R3HCC1: variants seen among roughly 807,000 people sequenced by gnomAD.
R3HCC1 encodes the protein R3H and coiled-coil domain-containing protein 1.
R3HCC1 carries 32 observed loss-of-function variants against 40.0 expected under a neutral mutation model. That is an observed-to-expected ratio of 0.80 (90% CI 0.60 to 1.07). The LOEUF is 1.07. Ranked by LOEUF, R3HCC1 falls within the 50% of genes least tolerant of loss-of-function variation. The pLI is 0.00. For synonymous variants in R3HCC1, 237 were observed against 232.8 expected (o/e 1.02, Z -0.17); for missense variants, 586 against 563.3 (o/e 1.04, Z -0.41).
rs549974723 is a variant in R3HCC1 at position 23,288,174 on chromosome 8, TG to T, written c.-19+24del. On this transcript the variant is annotated intron_variant, in intron 1 of 7. Transcript: ENST00000265806. Reference sequence around the variant, plus strand: ...GAGGCCGCGGTGAGTGCAGCAGCACTGGGGGGGTGGTCGTCCCGACCCCCGG... The same window carrying T: ...GAGGCCGCGGTGAGTGCAGCAGCACTGGGGGGTGGTCGTCCCGACCCCCGG... 21 of 1,211,140 alleles carry T rather than the reference TG, an allele frequency of 1.7e-5. No individual in the cohort carries two copies. Among genetic ancestry groups the T allele is most frequent in the East Asian group, 5.8e-5 (1 of 17,332 alleles). 75.0% of individuals were successfully genotyped at this position (1,211,140 alleles called of 1,614,324 possible).
chr8:23,296,208 A>G lies in R3HCC1; in HGVS notation c.*111A>G, dbSNP rs909514952. 7 of 1,293,010 alleles carry G rather than the reference A, an allele frequency of 5.4e-6. No individual in the cohort carries two copies. The highest frequency in any genetic ancestry group is 4.5e-5 in the African/African-American group (3 of 66,482). The allele number at this position is 1,293,010 out of a possible 1,614,324, so 80.1% of individuals were successfully genotyped here. A position where few individuals can be genotyped will look rare whatever the true frequency, so the allele number is the denominator to read the frequency against. On this transcript the variant is annotated 3_prime_UTR_variant, in exon 8 of 8. Coordinates refer to ENST00000265806, the MANE Select transcript of R3HCC1 (RefSeq NM_001136108.3). ...CCCCGCACCACCCTCGAGCTTCACCATGGGGTGTGGTGGGCTTTAGTTTAG... is the reference window on the plus strand; with the variant it reads ...CCCCGCACCACCCTCGAGCTTCACCGTGGGGTGTGGTGGGCTTTAGTTTAG...
rs1028754493 is a variant in R3HCC1, at chr8:23,290,204, A to G, written c.587A>G (p.Lys196Arg). 6.4e-7 allele frequency: 1 copy of G among 1,551,738 alleles called. No homozygotes were observed. The highest frequency in any genetic ancestry group is 8.7e-7 in the Non-Finnish European group (1 of 1,146,996). ...ATGACTCAGGGAACAGAGGACCTAA[A>G]GGGCCCAGGACAAAGGTGTGAGAAT... Residue 196 changes from lysine to arginine, a missense_variant, in exon 4 of 8, where the codon AAG becomes AGG. Transcript: ENST00000265806.
At position 23,289,918 on chromosome 8, in the gene R3HCC1, C is replaced by A; in HGVS notation, c.301C>A (p.Pro101Thr). Residue 101 changes from proline (P) to threonine (T), a missense_variant, in exon 4 of 8, where the codon CCC (proline) becomes ACC (threonine). Pro to Thr is a conservative substitution (Grantham distance 38, BLOSUM62 -1). Transcript: ENST00000265806. The stretch of plus-strand genomic sequence containing the variant: ...CCCCTGCCGCGCTCCTGCCTCCTGC[C>A]CCAGCAGGTACCACGGTCCTCGGCC... 1 of 1,535,342 alleles carries A rather than the reference C, an allele frequency of 6.5e-7. No individual in the cohort carries two copies. Among genetic ancestry groups the A allele is most frequent in the Non-Finnish European group, 8.7e-7 (1 of 1,146,380 alleles).
rs1181747612 is a variant in R3HCC1 at position 23,288,390 on chromosome 8, G to A, written c.-18-116G>A. 8 of 1,397,612 alleles carry A rather than the reference G, an allele frequency of 5.7e-6. No individual in the cohort carries two copies. The African/African-American group carries it at 1.0e-4, about 18-fold the overall frequency. The allele number at this position is 1,397,612 out of a possible 1,614,324, so 86.6% of individuals were successfully genotyped here. A position where few individuals can be genotyped will look rare whatever the true frequency, so the allele number is the denominator to read the frequency against. On this transcript the variant is annotated intron_variant, in intron 1 of 7. Coordinates refer to ENST00000265806, the MANE Select transcript of R3HCC1 (RefSeq NM_001136108.3). The stretch of plus-strand genomic sequence containing the variant: ...CGGGGGTCCCTGGCATCACTTCCCC[G>A]CCACCGAGCCTTGGACCAGAGGGTT...
rs143261064 is a variant in R3HCC1 at position 23,290,925 on chromosome 8, A to G, written c.853-436A>G. The G allele has an allele frequency of 6.1e-3, 1,298 of 211,292 alleles. 6 individuals are homozygous for G. The highest frequency in any genetic ancestry group is 0.013 in the Admixed American group (247 of 19,302). The allele number at this position is 211,292 out of a possible 1,614,324, so 13.1% of individuals were successfully genotyped here. On this transcript the variant is annotated intron_variant, in intron 4 of 7. Transcript: ENST00000265806. ...TTCAGTTGGGAGGGTGGCATCTTTTATGGCTATTTTATACATGAAGAATGC... is the reference window on the plus strand; with the variant it reads ...TTCAGTTGGGAGGGTGGCATCTTTTGTGGCTATTTTATACATGAAGAATGC...
intron 2 of R3HCC1, among the ~76,000 whole-genome samples, 182 bp downstream of exon 2, chr8:23,288,815 A>C (rs1361776300): frequency 1.3e-5 from 2 of 151,954 alleles, no homozygotes; most frequent in Non-Finnish European, 2.9e-5. Context: ...CCCCAGACTG[A>C]TGGGGCCCGG....
In R3HCC1 at chr8:23,289,871, C is replaced by T. The variant is rs1425735737; in HGVS notation, c.254C>T (p.Pro85Leu). Reference sequence around the variant, plus strand: ...TCCTCCCATTCCTGCTCCAGGGTACCCAGTTCGGATGGCCTCTCTGGCCCC... The same window carrying T: ...TCCTCCCATTCCTGCTCCAGGGTACTCAGTTCGGATGGCCTCTCTGGCCCC... Residue 85 changes from proline (P) to leucine (L), a missense_variant, in exon 4 of 8, where the codon CCC becomes CTC. Physicochemically the swap from Pro to Leu is moderately conservative, Grantham distance 98. Coordinates refer to ENST00000265806, the MANE Select transcript of R3HCC1 (RefSeq NM_001136108.3). 6.6e-7 allele frequency: 1 copy of T among 1,512,390 alleles called. No homozygotes were observed. The highest frequency in any genetic ancestry group is 2.5e-5 in the East Asian group (1 of 40,674). The allele number at this position is 1,512,390 out of a possible 1,614,324, so 93.7% of individuals were successfully genotyped here.
chr8:23,289,296 C>A, intron 3 of R3HCC1, 143 bp downstream of exon 3: 3 of 921,894 alleles, frequency 3.3e-6, no homozygotes, highest in Non-Finnish European at 4.8e-6. Flanking sequence ...GCTGCTCAGC[C>A]AGGGCTGCCT....
chr8:23,288,915 C>T lies in R3HCC1; in HGVS notation c.111-101C>T, dbSNP rs1395468509. On this transcript the variant is annotated intron_variant, in intron 2 of 7. Coordinates refer to ENST00000265806, the MANE Select transcript of R3HCC1 (RefSeq NM_001136108.3). The stretch of plus-strand genomic sequence containing the variant: ...GCAGTCCATCTGGGACCCAGAGGGG[C>T]AGAAGGGAGCCCAGTGTTAATCCGC... The T allele has an allele frequency of 3.0e-6, 4 of 1,337,036 alleles. No individual in the cohort carries two copies. The African/African-American group carries it at 5.8e-5, about 19-fold the overall frequency. 82.8% of individuals were successfully genotyped at this position (1,337,036 alleles called of 1,614,324 possible). A position where few individuals can be genotyped will look rare whatever the true frequency, so the allele number is the denominator to read the frequency against.
intron 6 of R3HCC1, among the ~76,000 whole-genome samples, chr8:23,294,367 T>G (rs1802942245): frequency 6.6e-6 from 1 of 152,102 alleles, no homozygotes; most frequent in African/African-American, 2.4e-5. Flanking sequence ...CTGTAAATAG[T>G]CGGGGTGCTG....
intron 6 of R3HCC1, 38 bp from the exon 7 acceptor site, chr8:23,294,731 G>C (rs1445266067): frequency 2.7e-6 from 4 of 1,492,196 alleles, no homozygotes; most frequent in Non-Finnish European, 3.7e-6. Context: ...GGGTCCTGAG[G>C]AGGAGGGAGT....
At position 23,290,438 on chromosome 8, in the gene R3HCC1, C is replaced by T. The variant is rs767889782; in HGVS notation, c.821C>T (p.Ser274Leu). The change falls in exon 4 of 8, where the codon TCG (serine) becomes TTG (leucine). Residue 274 changes from serine to leucine, a missense_variant. Physicochemically the swap from Ser to Leu is moderately radical, Grantham distance 145 (BLOSUM62 -2). Transcript: ENST00000265806. ...GAAGAGGATGGCCCCAGCAGCTGCT[C>T]GGAGGACGATTACAGTGAGCTGCTG... 10 of 1,550,912 alleles carry T rather than the reference C, an allele frequency of 6.4e-6. No individual in the cohort carries two copies. Among genetic ancestry groups the T allele is most frequent in the Middle Eastern group, 1.7e-4 (1 of 5,982 alleles).
intron 6 of R3HCC1, among the ~76,000 whole-genome samples, chr8:23,294,366 G>T (rs1219222383): frequency 6.6e-6 from 1 of 152,224 alleles, no homozygotes; most frequent in Admixed American, 6.5e-5. Flanking sequence ...TCTGTAAATA[G>T]TCGGGGTGCT....
At chr8:23,292,053 C>G (rs1802879027) in intron 5 of R3HCC1, among the ~76,000 whole-genome samples, 1 of 152,200 alleles carries the variant, frequency 6.6e-6, no homozygotes, top group Non-Finnish European at 1.5e-5. Flanking sequence ...TCCTGTCTTT[C>G]CTTCTTTTTT....
intron 1 of R3HCC1, 104 bp from the exon 2 acceptor site, chr8:23,288,402 T>C: frequency 6.9e-7 from 1 of 1,454,054 alleles, no homozygotes; most frequent in Non-Finnish European, 9.2e-7. Context: ...CACCGAGCCT[T>C]GGACCAGAGG....
intron 1 of R3HCC1, 151 bp downstream of exon 1, chr8:23,288,308 C>T (rs1390927573): frequency 5.4e-6 from 6 of 1,106,876 alleles, no homozygotes; most frequent in Middle Eastern, 3.2e-4. Context: ...CGACCGCAGG[C>T]GGGGACGAGA....
chr8:23,288,173 C>CT lies in R3HCC1; in HGVS notation c.-19+17dup. The stretch of plus-strand genomic sequence containing the variant: ...AGAGGCCGCGGTGAGTGCAGCAGCA[C>CT]TGGGGGGGTGGTCGTCCCGACCCCC... On this transcript the variant is annotated intron_variant, in intron 1 of 7. Transcript: ENST00000265806. 8.2e-7 allele frequency: 1 copy of CT among 1,214,612 alleles called. No individual in the cohort carries two copies. The highest frequency in any genetic ancestry group is 1.5e-5 in the South Asian group (1 of 66,814). The allele number at this position is 1,214,612 out of a possible 1,614,324, so 75.2% of individuals were successfully genotyped here.
chr8:23,293,523 G>T, intron 6 of R3HCC1, 150 bp downstream of exon 6: 1 of 622,958 alleles, frequency 1.6e-6, no homozygotes, highest in Non-Finnish European at 2.8e-6. Context: ...TAAAACCCAG[G>T]GGGAGCTGAG....
Position 23,291,382 on chromosome 8 carries a change from A to G in R3HCC1, c.874A>G (p.Lys292Glu), listed in dbSNP as rs1290294735. The stretch of plus-strand genomic sequence containing the variant: ...CTAGATCACAGACAACCTGACGAAG[A>G]AGGAGATTCAGATAGAGAAGATCCA... The change falls in exon 5 of 8, where the codon AAG becomes GAG. Residue 292 changes from lysine to glutamate, a missense_variant. Transcript: ENST00000265806. 3.9e-6 allele frequency: 6 copies of G among 1,551,800 alleles called. No homozygotes were observed. Among genetic ancestry groups the G allele is most frequent in the South Asian group, 2.4e-5 (2 of 84,060 alleles).
Sources: gnomAD v4.1 joint callset for allele counts (sites outside exome capture counted in the v4.1 genomes callset) on GRCh38, gnomAD v4.1.1 for gene constraint, MANE v1.5 for transcripts, NCBI Gene and HGNC (gene_info 2026-07-23, HGNC 2026-07-21) for gene names.